Variants in LRRC28 observed in about 807,000 individuals in gnomAD.
LRRC28 encodes leucine rich repeat containing 28.
LRRC28 carries 39 observed loss-of-function variants against 45.7 expected under a neutral mutation model. The ratio of observed to expected loss-of-function variants is 0.85; its 90% CI spans 0.66 to 1.12. The LOEUF (loss-of-function observed/expected upper bound fraction) is 1.12. Ranked by LOEUF, LRRC28 falls within the 50% of genes most tolerant of loss-of-function variation. LRRC28 has a pLI of 0.00. For synonymous variants in LRRC28, 206 were observed against 178.8 expected (o/e 1.15, Z -1.22); for missense variants, 435 against 438.5 (o/e 0.99, Z 0.07).
Position 99,387,375 on chromosome 15 carries a change from A to T in LRRC28, c.*1273A>T, listed in dbSNP as rs955643418. 1 of 152,242 alleles carries T rather than the reference A, an allele frequency of 6.6e-6. No individual in the cohort carries two copies. Among genetic ancestry groups the T allele is most frequent in the Admixed American group, 6.5e-5 (1 of 15,274 alleles). The allele number at this position is 152,242 out of a possible 1,614,324, so 9.4% of individuals were successfully genotyped here. A position where few individuals can be genotyped will look rare whatever the true frequency, so the allele number is the denominator to read the frequency against. The stretch of plus-strand genomic sequence containing the variant: ...GCGCCCGGCCCACTACTGGTTTTTA[A>T]CAGGATGATTCAAAGTACAGCCCGT... On this transcript the variant is annotated 3_prime_UTR_variant, in exon 10 of 10. Coordinates refer to ENST00000301981, the MANE Select transcript of LRRC28 (RefSeq NM_144598.5).
intron 7 of LRRC28, among the ~76,000 whole-genome samples, chr15:99,354,328 C>T (rs1377790122): frequency 1.3e-5 from 2 of 152,168 alleles, no homozygotes; most frequent in Admixed American, 1.3e-4. Context: ...TAGATGATAA[C>T]TACTGAAGCT....
At chr15:99,336,945 T>G (rs970331870) in intron 6 of LRRC28, among the ~76,000 whole-genome samples, 1 of 152,182 alleles carries the variant, frequency 6.6e-6, no homozygotes. Context: ...CCTGCCAGAG[T>G]CTGATCCACA....
At chr15:99,322,330 G>C (rs1328989752) in intron 5 of LRRC28, among the ~76,000 whole-genome samples, 1 of 152,116 alleles carries the variant, frequency 6.6e-6, no homozygotes, top group Non-Finnish European at 1.5e-5. Flanking sequence ...GAGGGGGTGA[G>C]AATAGAAGCA....
Position 99,251,485 on chromosome 15 carries a change from C to T in LRRC28, c.-117C>T, listed in dbSNP as rs1011269120. On this transcript the variant is annotated 5_prime_UTR_variant, in exon 1 of 10. Coordinates refer to ENST00000301981, the MANE Select transcript of LRRC28 (RefSeq NM_144598.5). Reference sequence around the variant, plus strand: ...CCCTGCCCCGCCCCGCCCGCCGTCCCCCGCTTGGCTTCCAGCGCCGCTTGC... The same window carrying T: ...CCCTGCCCCGCCCCGCCCGCCGTCCTCCGCTTGGCTTCCAGCGCCGCTTGC... 1 of 152,580 alleles carries T rather than the reference C, an allele frequency of 6.6e-6. No homozygotes were observed. The highest frequency in any genetic ancestry group is 1.5e-5 in the Non-Finnish European group (1 of 68,032). The allele number at this position is 152,580 out of a possible 1,614,324, so 9.5% of individuals were successfully genotyped here.
At chr15:99,293,758 A>G (rs2082196598) in intron 5 of LRRC28, among the ~76,000 whole-genome samples, 1 of 151,748 alleles carries the variant, frequency 6.6e-6, no homozygotes, top group African/African-American at 2.4e-5. Context: ...AAGCACTGAG[A>G]TTACTGGTGT....
At chr15:99,265,747 A>G (rs529546225) in intron 2 of LRRC28, among the ~76,000 whole-genome samples, 1 of 152,348 alleles carries the variant, frequency 6.6e-6, no homozygotes, top group South Asian at 2.1e-4. Context: ...GAGAGGTAAG[A>G]GAGGTAAGAG....
At chr15:99,338,828 A>G (rs148688096) in intron 6 of LRRC28, among the ~76,000 whole-genome samples, 1 of 152,232 alleles carries the variant, frequency 6.6e-6, no homozygotes, top group Admixed American at 6.5e-5. Context: ...TCCCTAAGTC[A>G]CTTGTAATAC....
chr15:99,340,435 T>C (rs192610055), intron 6 of LRRC28, among the ~76,000 whole-genome samples: 1 of 152,368 alleles, frequency 6.6e-6, no homozygotes, highest in East Asian at 1.9e-4. Flanking sequence ...GAATTGCTGT[T>C]TACTATTTTT....
chr15:99,312,508 G>C (rs948382691), intron 5 of LRRC28, among the ~76,000 whole-genome samples: 1 of 152,062 alleles, frequency 6.6e-6, no homozygotes, highest in Non-Finnish European at 1.5e-5. Context: ...CCTGCCTAAG[G>C]CTCTTTTACA....
intron 7 of LRRC28, chr15:99,355,647 G>C (rs999074554): frequency 2.6e-5 from 4 of 151,418 alleles, no homozygotes; most frequent in African/African-American, 9.7e-5. Flanking sequence ...GAATTTTAGA[G>C]AATGGTAATT....
chr15:99,383,149 G>C (rs1957879873), intron 9 of LRRC28, among the ~76,000 whole-genome samples: 1 of 152,076 alleles, frequency 6.6e-6, no homozygotes. Context: ...CTAGCCCTAG[G>C]CTTATCTACT....
intron 9 of LRRC28, among the ~76,000 whole-genome samples, chr15:99,378,828 A>G (rs1334231181): frequency 1.3e-5 from 2 of 152,102 alleles, no homozygotes; most frequent in Non-Finnish European, 2.9e-5. Context: ...TTCTGTTTAT[A>G]TGATGGATTA....
intron 5 of LRRC28, among the ~76,000 whole-genome samples, chr15:99,294,827 C>A (rs2082221471): frequency 6.6e-6 from 1 of 152,200 alleles, no homozygotes. Flanking sequence ...GACCTCCTTA[C>A]AGCCTTTTCA....
chr15:99,381,515 G>A (rs1957822820), intron 9 of LRRC28, among the ~76,000 whole-genome samples: 1 of 152,202 alleles, frequency 6.6e-6, no homozygotes, highest in Non-Finnish European at 1.5e-5. Context: ...ATCTTCTGAA[G>A]CCTTCTTCTC....
chr15:99,258,594 G>A (rs1339941842), intron 2 of LRRC28: 3 of 753,698 alleles, frequency 4.0e-6, no homozygotes, highest in African/African-American at 1.7e-5. Context: ...GACTAAAAAA[G>A]TTGAAAAAAC....
intron 3 of LRRC28, among the ~76,000 whole-genome samples, chr15:99,278,680 T>C (rs1182121474): frequency 6.6e-6 from 1 of 152,268 alleles, no homozygotes; most frequent in Non-Finnish European, 1.5e-5. Flanking sequence ...CTATTGCTGC[T>C]TAACAACTTA....
chr15:99,271,409 G>A lies in LRRC28; in HGVS notation c.169-5167G>A, dbSNP rs568984008. Among the ~76,000 whole-genome samples the A allele has an allele frequency of 5.3e-5, 8 of 151,728 alleles. No individual in the cohort carries two copies. The East Asian group carries it at 1.5e-3, about 29-fold the overall frequency. ...TTCTCCTGCCTCAGCCTCCCAAATA[G>A]CTAGGACTACAGGTGTGTGCCACCA... On this transcript the variant is annotated intron_variant, in intron 2 of 9. Transcript: ENST00000301981.
intron 5 of LRRC28, among the ~76,000 whole-genome samples, chr15:99,303,646 C>A (rs895424808): frequency 6.6e-6 from 1 of 151,982 alleles, no homozygotes; most frequent in Admixed American, 6.6e-5. Context: ...TCAGCCTGGC[C>A]AACATGGTGA....
intron 7 of LRRC28, among the ~76,000 whole-genome samples, chr15:99,360,231 T>C (rs1957164541): frequency 6.6e-6 from 1 of 152,136 alleles, no homozygotes; most frequent in African/African-American, 2.4e-5. Context: ...TCTGTACTGC[T>C]GCACATGCTG....
Sources: gnomAD v4.1 joint callset for allele counts (sites outside exome capture counted in the v4.1 genomes callset) on GRCh38, gnomAD v4.1.1 for gene constraint, MANE v1.5 for transcripts, NCBI Gene and HGNC (gene_info 2026-07-23, HGNC 2026-07-21) for gene names.